Variants in SIRT1 observed in about 807,000 individuals in gnomAD.
SIRT1 encodes NAD-dependent protein deacetylase sirtuin-1.
A neutral mutation model predicts 67.9 loss-of-function variants in SIRT1; 24 were observed. That is an observed-to-expected ratio of 0.35 (90% CI 0.26 to 0.50). The LOEUF (loss-of-function observed/expected upper bound fraction) is 0.50, where lower values mean the gene tolerates loss of function less well. Ranked by LOEUF, SIRT1 falls within the 20% of genes least tolerant of loss-of-function variation. SIRT1 has a pLI of 0.98. For synonymous variants in SIRT1, 378 were observed against 350.7 expected (o/e 1.08, Z -0.87); for missense variants, 873 against 937.2 (o/e 0.93, Z 0.89).
chr10:67,885,819 G>A (rs1043945727), intron 1 of SIRT1, among the ~76,000 whole-genome samples: 2 of 151,738 alleles, frequency 1.3e-5, no homozygotes, highest in Non-Finnish European at 2.9e-5. Context: ...TCTTGCTCTT[G>A]TGCGGTAATG....
intron 8 of SIRT1, among the ~76,000 whole-genome samples, chr10:67,914,368 C>A (rs1054698121): frequency 1.3e-5 from 2 of 152,058 alleles, no homozygotes; most frequent in African/African-American, 4.8e-5. Flanking sequence ...CGGCGCCCAG[C>A]CCCAAAAGGT....
At position 67,912,807 on chromosome 10, in the gene SIRT1, A is replaced by G. The variant is rs756116247; in HGVS notation, c.1691A>G (p.Asp564Gly). 2 of 1,614,106 alleles carry G rather than the reference A, an allele frequency of 1.2e-6. No homozygotes were observed. The highest frequency in any genetic ancestry group is 1.7e-6 in the Non-Finnish European group (2 of 1,180,002). The change falls in exon 8 of 9, where the codon GAT (aspartate) becomes GGT (glycine). Residue 564 changes from aspartate (D) to glycine (G), a missense_variant. Asp to Gly is a moderately conservative substitution (Grantham distance 94). Coordinates refer to ENST00000212015, the MANE Select transcript of SIRT1 (RefSeq NM_012238.5). ...TTAGACCAAGCAGCTAAGAGTAATGATGATTTAGATGTGTCTGAATCAAAA... is the reference window on the plus strand; with the variant it reads ...TTAGACCAAGCAGCTAAGAGTAATGGTGATTTAGATGTGTCTGAATCAAAA... ...TLLDQAAKSN[D>G]DLDVSESKGC...
At chr10:67,900,415 G>A (rs1037425367) in intron 4 of SIRT1, among the ~76,000 whole-genome samples, 1 of 152,090 alleles carries the variant, frequency 6.6e-6, no homozygotes, top group African/African-American at 2.4e-5. Flanking sequence ...AAAGTGCTGG[G>A]TTTATAGGTG....
chr10:67,886,570 A>G (rs1305172521), intron 1 of SIRT1, among the ~76,000 whole-genome samples: 1 of 151,922 alleles, frequency 6.6e-6, no homozygotes, highest in South Asian at 2.1e-4. Flanking sequence ...AAAAAAAAAA[A>G]AAAAAGTAAT....
intron 8 of SIRT1, among the ~76,000 whole-genome samples, chr10:67,915,006 G>A (rs1282217882): frequency 1.3e-5 from 2 of 151,700 alleles, no homozygotes; most frequent in African/African-American, 4.8e-5. Context: ...GATTACAGGT[G>A]TAAGCCACTG....
At chr10:67,899,284 C>T (rs996710710) in intron 4 of SIRT1, among the ~76,000 whole-genome samples, 2 of 151,144 alleles carry the variant, frequency 1.3e-5, no homozygotes, top group African/African-American at 4.9e-5. Context: ...CCACAAAAAC[C>T]CCAGGATACA....
intron 3 of SIRT1, among the ~76,000 whole-genome samples, chr10:67,890,611 T>C (rs1212834687): frequency 6.6e-6 from 1 of 151,990 alleles, no homozygotes; most frequent in Non-Finnish European, 1.5e-5. Flanking sequence ...TGCGTACTTG[T>C]AGTCCCAGCT....
At chr10:67,904,942 C>CTAG (rs1381875620) in intron 4 of SIRT1, among the ~76,000 whole-genome samples, 1 of 151,878 alleles carries the variant, frequency 6.6e-6, no homozygotes, top group Non-Finnish European at 1.5e-5. Flanking sequence ...AATCTAGTGT[C>CTAG]CCATACATCT....
chr10:67,903,391 C>CT (rs11369665), intron 4 of SIRT1, among the ~76,000 whole-genome samples: 92,717 of 148,164 alleles, frequency 0.63, 29,518 homozygotes, highest in Non-Finnish European at 0.68. Flanking sequence ...GCAGATAGTT[C>CT]TTTTTTTTTT....
Position 67,911,339 on chromosome 10 carries a change from G to T in SIRT1, c.1358-1135G>T, listed in dbSNP as rs113693349. Among the ~76,000 whole-genome samples the T allele has an allele frequency of 8.5e-3, 1,301 of 152,166 alleles. 9 individuals carry two copies. The highest frequency in any genetic ancestry group is 0.014 in the Non-Finnish European group (922 of 68,012). On this transcript the variant is annotated intron_variant, in intron 7 of 8. Transcript: ENST00000212015. ...TTCCTGAGTAGTTAGGACCAGAGGC[G>T]CACACCATGCTTGGCAAATTTTTAA...
At position 67,885,090 on chromosome 10, in the gene SIRT1, A is replaced by AGAC. The variant is rs751108703; in HGVS notation, c.381_383dup (p.Asp127dup). 1.7e-5 allele frequency: 25 copies of AGAC among 1,447,204 alleles called. No homozygotes were observed. The highest frequency in any genetic ancestry group is 3.0e-5 in the East Asian group (1 of 33,020). 89.6% of individuals were successfully genotyped at this position (1,447,204 alleles called of 1,614,324 possible). On this transcript the variant is annotated inframe_insertion, in exon 1 of 9. Coordinates refer to ENST00000212015, the MANE Select transcript of SIRT1 (RefSeq NM_012238.5). Reference sequence around the variant, plus strand: ...CGCTGGCCGACAACTTGTACGACGAAGACGACGACGACGAGGGCGAGGAGG... The same window carrying AGAC: ...CGCTGGCCGACAACTTGTACGACGAAGACGACGACGACGACGAGGGCGAGGAGG...
At chr10:67,890,484 C>G (rs1213086736) in intron 3 of SIRT1, among the ~76,000 whole-genome samples, 1 of 152,080 alleles carries the variant, frequency 6.6e-6, no homozygotes, top group Admixed American at 6.5e-5. Context: ...GTGGCTCATG[C>G]ATGTAATTCC....
chr10:67,907,566 C>G (rs959221590), intron 5 of SIRT1, among the ~76,000 whole-genome samples: 1 of 150,888 alleles, frequency 6.6e-6, no homozygotes, highest in Non-Finnish European at 1.5e-5. Context: ...AATGTGACAT[C>G]TTTAGTTTAT....
chr10:67,884,799 G>A lies in SIRT1; in HGVS notation c.78G>A (p.Ser26=), dbSNP rs1268799781. 2 of 1,223,808 alleles carry A rather than the reference G, an allele frequency of 1.6e-6. No individual in the cohort carries two copies. The highest frequency in any genetic ancestry group is 4.3e-5 in the Admixed American group (1 of 23,338). The allele number at this position is 1,223,808 out of a possible 1,614,324, so 75.8% of individuals were successfully genotyped here. A position where few individuals can be genotyped will look rare whatever the true frequency, so the allele number is the denominator to read the frequency against. The change falls in exon 1 of 9, where the codon TCG becomes TCA. Residue 26 remains serine, a synonymous_variant. Transcript: ENST00000212015. ...SAAGADREAA[S]SPAGEPLRKR... is the part of the protein sequence containing the mutation. Reference sequence around the variant, plus strand: ...CGGGGGCCGACAGGGAGGCCGCGTCGTCCCCCGCCGGGGAGCCGCTCCGCA... The same window carrying A: ...CGGGGGCCGACAGGGAGGCCGCGTCATCCCCCGCCGGGGAGCCGCTCCGCA...
In SIRT1 at chr10:67,906,853, G is replaced by A; in HGVS notation, c.1006G>A (p.Glu336Lys). Reference sequence around the variant, plus strand: ...CAAATTCATAGCCTTGTCAGATAAGGAAGGAAAACTACTTCGCAACTATAC... The same window carrying A: ...CAAATTCATAGCCTTGTCAGATAAGAAAGGAAAACTACTTCGCAACTATAC... Reference protein sequence around the residue: ...CHKFIALSDKEGKLLRNYTQN... With the variant: ...CHKFIALSDKKGKLLRNYTQN... The change falls in exon 5 of 9, where the codon GAA (glutamate) becomes AAA (lysine). Residue 336 changes from glutamate to lysine, a missense_variant. Physicochemically the swap from Glu to Lys is moderately conservative, Grantham distance 56. Transcript: ENST00000212015. The A allele has an allele frequency of 1.2e-6, 2 of 1,612,986 alleles. No homozygotes were observed. Among genetic ancestry groups the A allele is most frequent in the Non-Finnish European group, 1.7e-6 (2 of 1,179,558 alleles).
rs35177771 is a variant in SIRT1, at chr10:67,917,605, T to G, written c.*1012T>G. 1 of 152,608 alleles carries G rather than the reference T, an allele frequency of 6.6e-6. No homozygotes were observed. 9.5% of individuals were successfully genotyped at this position (152,608 alleles called of 1,614,324 possible). ...ATGAGGAGAGCAACAGGCCCCTGAT[T>G]ATACAGTTCCAAAGTAATAAGATGT... On this transcript the variant is annotated 3_prime_UTR_variant, in exon 9 of 9. Transcript: ENST00000212015.
intron 4 of SIRT1, among the ~76,000 whole-genome samples, chr10:67,900,987 T>G (rs1202779695): frequency 6.6e-6 from 1 of 152,188 alleles, no homozygotes; most frequent in African/African-American, 2.4e-5. Flanking sequence ...CAGCCTTTAG[T>G]AGTCCCATGA....
rs199770148 is a variant in SIRT1, at chr10:67,913,004, A to G, written c.1888A>G (p.Lys630Glu). 3.7e-6 allele frequency: 6 copies of G among 1,610,118 alleles called. No individual in the cohort carries two copies. The highest frequency in any genetic ancestry group is 1.7e-5 in the Admixed American group (1 of 58,934). The change falls in exon 8 of 9, where the codon AAG (lysine) becomes GAG (glutamate). Residue 630 changes from lysine (K) to glutamate (E), a missense_variant. Lys to Glu is a moderately conservative substitution (Grantham distance 56). Coordinates refer to ENST00000212015, the MANE Select transcript of SIRT1 (RefSeq NM_012238.5). ...VRKCWPNRVA[K>E]EQISRRLDGN... ...AAAATGCTGGCCTAATAGAGTGGCA[A>G]AGGAGCAGATTAGTAGGCGGCTTGA... is the stretch of plus-strand genomic sequence containing the variant.
chr10:67,885,211 A>G (rs1043623830), intron 1 of SIRT1, 60 bp downstream of exon 1: 3 of 1,283,502 alleles, frequency 2.3e-6, no homozygotes, highest in Non-Finnish European at 3.0e-6. Flanking sequence ...CCGGGCTCCT[A>G]CTGGCCTGAG....
Sources: gnomAD v4.1 joint callset for allele counts (sites outside exome capture counted in the v4.1 genomes callset) on GRCh38, gnomAD v4.1.1 for gene constraint, MANE v1.5 for transcripts, NCBI Gene and HGNC (gene_info 2026-07-23, HGNC 2026-07-21) for gene names.